The following SDK1 variants were observed in gnomAD, a reference collection of about 807,000 sequenced individuals.
SDK1 encodes sidekick cell adhesion molecule 1.
In SDK1, 157 loss-of-function variants were observed where a neutral mutation model predicts 245.5. That is an observed-to-expected ratio of 0.64 (90% confidence interval 0.56 to 0.73). The LOEUF (loss-of-function observed/expected upper bound fraction) is 0.73, where lower values mean the gene tolerates loss of function less well. SDK1 is among the 30% of genes least tolerant of loss of function. SDK1 has a pLI of 0.00. For synonymous variants in SDK1, 1,647 were observed against 1,278.5 expected, an observed-to-expected ratio of 1.29 and a Z score of -6.15; for missense variants, 3,583 against 3,002.3, an observed-to-expected ratio of 1.19 and a Z score of -4.52.
intron 1 of SDK1, among the ~76,000 whole-genome samples, chr7:3,604,504 C>T (rs1239958311): frequency 6.6e-6 from 1 of 152,030 alleles, no homozygotes; most frequent in African/African-American, 2.4e-5. Flanking sequence ...CTGCATCTCA[C>T]ACATATTTTG....
chr7:4,260,613 G>A (rs865886470), intron 44 of SDK1, among the ~76,000 whole-genome samples: 1 of 144,842 alleles, frequency 6.9e-6, no homozygotes, highest in African/African-American at 2.6e-5. Context: ...TGTGTTCATC[G>A]TCACCTGATG....
At chr7:3,493,141 C>T (rs948923499) in intron 1 of SDK1, among the ~76,000 whole-genome samples, 15 of 152,120 alleles carry the variant, frequency 9.9e-5, no homozygotes, top group Middle Eastern at 6.8e-3. Context: ...TTACTAGAGA[C>T]GGAGTTTCAC....
intron 4 of SDK1, among the ~76,000 whole-genome samples, chr7:3,687,895 T>C (rs6462233): frequency 0.84 from 127,670 of 152,134 alleles, 53,729 homozygotes; most frequent in Non-Finnish European, 0.86. Context: ...TACCCAGGAT[T>C]GCTGTATTTT....
chr7:3,363,363 C>A (rs1282071032), intron 1 of SDK1, among the ~76,000 whole-genome samples: 1 of 151,916 alleles, frequency 6.6e-6, no homozygotes, highest in Non-Finnish European at 1.5e-5. Context: ...TTTAACCATT[C>A]ACCTATTAAA....
chr7:4,099,861 C>G (rs548693758), intron 22 of SDK1, among the ~76,000 whole-genome samples: 5 of 151,904 alleles, frequency 3.3e-5, no homozygotes, highest in Non-Finnish European at 7.4e-5. Flanking sequence ...CCTAAGAAAC[C>G]GTGGCTGCTG....
At chr7:3,432,442 AG>A (rs1478950692) in intron 1 of SDK1, among the ~76,000 whole-genome samples, 1 of 152,116 alleles carries the variant, frequency 6.6e-6, no homozygotes, top group Non-Finnish European at 1.5e-5. Context: ...TGAATTCTCC[AG>A]GGGGCAAAAT....
chr7:3,595,523 C>T (rs553194232), intron 1 of SDK1, among the ~76,000 whole-genome samples: 26 of 152,088 alleles, frequency 1.7e-4, no homozygotes, highest in African/African-American at 6.3e-4. Flanking sequence ...TAATAAAACT[C>T]ACCAGCACTA....
rs1367259405 is a variant in SDK1 at position 4,266,738 on chromosome 7, C to T, written c.*1354C>T. ...GGCTGCCATGGTCCACCCCTCAGCC[C>T]GGGTCCCGGGTCTGGATGGAACGGG... On this transcript the variant is annotated 3_prime_UTR_variant, in exon 45 of 45. Coordinates refer to ENST00000404826, the MANE Select transcript of SDK1 (RefSeq NM_152744.4). The T allele has an allele frequency of 1.2e-5, 12 of 985,352 alleles. No homozygotes were observed. The Admixed American group carries it at 2.5e-4, about 20-fold the overall frequency. The allele number at this position is 985,352 out of a possible 1,614,324, so 61.0% of individuals were successfully genotyped here. A position where few individuals can be genotyped will look rare whatever the true frequency, so the allele number is the denominator to read the frequency against.
At chr7:3,419,650 C>T (rs1583830228) in intron 1 of SDK1, among the ~76,000 whole-genome samples, 2 of 152,264 alleles carry the variant, frequency 1.3e-5, no homozygotes, top group East Asian at 3.9e-4. Context: ...CAATGTCGAT[C>T]ATATGGGAAA....
At chr7:3,404,289 T>G (rs1298206789) in intron 1 of SDK1, among the ~76,000 whole-genome samples, 1 of 152,140 alleles carries the variant, frequency 6.6e-6, no homozygotes. Flanking sequence ...CTATATATGT[T>G]TCTGTGTATA....
chr7:4,265,543 A>G lies in SDK1; in HGVS notation c.*159A>G, dbSNP rs2128245936. 1 of 1,342,464 alleles carries G rather than the reference A, an allele frequency of 7.4e-7. No individual in the cohort carries two copies. Among genetic ancestry groups the G allele is most frequent in the Non-Finnish European group, 9.5e-7 (1 of 1,055,934 alleles). 83.2% of individuals were successfully genotyped at this position (1,342,464 alleles called of 1,614,324 possible). A position where few individuals can be genotyped will look rare whatever the true frequency, so the allele number is the denominator to read the frequency against. On this transcript the variant is annotated 3_prime_UTR_variant, in exon 45 of 45. Transcript: ENST00000404826. The stretch of plus-strand genomic sequence containing the variant: ...ACCTACTTGTGGACACTAGATTTCA[A>G]TTAGGAAGGTTTTTTTAAACGGCTT...
intron 1 of SDK1, among the ~76,000 whole-genome samples, chr7:3,560,230 G>A (rs553552494): frequency 3.9e-5 from 6 of 152,218 alleles, no homozygotes; most frequent in Admixed American, 1.3e-4. Flanking sequence ...TTAGAAGTAC[G>A]TACTTCTATT....
At chr7:3,318,222 C>G (rs975679882) in intron 1 of SDK1, among the ~76,000 whole-genome samples, 2 of 152,180 alleles carry the variant, frequency 1.3e-5, no homozygotes, top group African/African-American at 4.8e-5. Flanking sequence ...TACAAACATG[C>G]ACACACAGAA....
intron 30 of SDK1, among the ~76,000 whole-genome samples, chr7:4,154,427 A>G (rs766181955): frequency 6.6e-6 from 1 of 152,158 alleles, no homozygotes; most frequent in Non-Finnish European, 1.5e-5. Context: ...CCCTAAATCT[A>G]TCCAGCTTCT....
chr7:4,175,620 G>T (rs1461767286), intron 33 of SDK1, among the ~76,000 whole-genome samples, 155 bp from the exon 34 acceptor site: 2 of 152,256 alleles, frequency 1.3e-5, no homozygotes, highest in Non-Finnish European at 2.9e-5. Flanking sequence ...GGAAAGCTTG[G>T]GCGGTAGCGG....
chr7:3,723,122 G>T (rs938966882), intron 4 of SDK1, among the ~76,000 whole-genome samples: 4 of 152,178 alleles, frequency 2.6e-5, no homozygotes, highest in Non-Finnish European at 5.9e-5. Flanking sequence ...ATAAAATTCT[G>T]TCCTCAGACG....
chr7:4,113,533 C>T (rs1218742616), intron 24 of SDK1, 94 bp downstream of exon 24: 22 of 1,413,894 alleles, frequency 1.6e-5, no homozygotes, highest in Non-Finnish European at 1.9e-5. Flanking sequence ...CTTAGTCACG[C>T]CTTTGTCCTA....
chr7:3,563,647 C>T (rs768246681), intron 1 of SDK1, among the ~76,000 whole-genome samples: 3 of 152,128 alleles, frequency 2.0e-5, no homozygotes, highest in Non-Finnish European at 2.9e-5. Flanking sequence ...GTAAATCCTA[C>T]AGTTGAAAAG....
At chr7:4,208,041 C>A in intron 36 of SDK1, 58 bp from the exon 37 acceptor site, 1 of 1,329,976 alleles carries the variant, frequency 7.5e-7, no homozygotes, top group Non-Finnish European at 1.1e-6. Flanking sequence ...ACTCAGTGGC[C>A]CCCGCTTACT....
Sources: allele counts gnomAD v4.1 joint callset (sites outside exome capture counted in the v4.1 genomes callset), GRCh38; gene constraint gnomAD v4.1.1; transcripts MANE v1.5; gene names NCBI Gene and HGNC (gene_info 2026-07-23, HGNC 2026-07-21).